TMPRSS15: variants seen among roughly 807,000 people sequenced by gnomAD.
TMPRSS15 encodes transmembrane serine protease 15, also known as enteropeptidase.
A neutral mutation model predicts 125.3 loss-of-function variants in TMPRSS15; 128 were observed. That is an observed-to-expected ratio of 1.02 (90% CI 0.89 to 1.18). The LOEUF is 1.18. TMPRSS15 is among the 50% of genes most tolerant of loss of function. The pLI, the probability that TMPRSS15 is intolerant of heterozygous loss-of-function variation, is 0.00. For synonymous variants in TMPRSS15, 446 were observed against 423.2 expected (o/e 1.05, Z -0.66); for missense variants, 1,283 against 1,212.7 (o/e 1.06, Z -0.86).
At chr21:18,317,211 T>C (rs185284056) in intron 16 of TMPRSS15, among the ~76,000 whole-genome samples, 124 of 152,268 alleles carry the variant, frequency 8.1e-4, no homozygotes, top group African/African-American at 2.6e-3. Flanking sequence ...AAAGGAATTA[T>C]TCCTGTTGTT....
At chr21:18,369,146 G>A (rs981682484) in intron 6 of TMPRSS15, among the ~76,000 whole-genome samples, 1 of 152,110 alleles carries the variant, frequency 6.6e-6, no homozygotes. Flanking sequence ...GCAGCCATTC[G>A]ATTGCACTAT....
chr21:18,325,902 T>C (rs2075284068), intron 16 of TMPRSS15, among the ~76,000 whole-genome samples: 1 of 152,106 alleles, frequency 6.6e-6, no homozygotes, highest in African/African-American at 2.4e-5. Flanking sequence ...CTGTTGATTA[T>C]TTTATGGATA....
intron 1 of TMPRSS15, among the ~76,000 whole-genome samples, chr21:18,460,221 A>G (rs1196804872): frequency 6.6e-6 from 1 of 152,146 alleles, no homozygotes; most frequent in African/African-American, 2.4e-5. Flanking sequence ...AAATATTCTC[A>G]GTGTTAATGA....
In TMPRSS15 at chr21:18,270,112, C is replaced by T; in HGVS notation, c.2917G>A (p.Gly973Arg). 1 of 1,613,860 alleles carries T rather than the reference C, an allele frequency of 6.2e-7. No individual in the cohort carries two copies. The highest frequency in any genetic ancestry group is 8.5e-7 in the Non-Finnish European group (1 of 1,179,878). ...GIDSCQGDSGGPLMCQENNRW... is the reference protein window; with the variant it reads ...GIDSCQGDSGRPLMCQENNRW... ...TTGTTTTCTTGGCACATTAATGGTCCTCCTGAATCCCCCTAAAGAGTGAAT... is the reference window on the plus strand; with the variant it reads ...TTGTTTTCTTGGCACATTAATGGTCTTCCTGAATCCCCCTAAAGAGTGAAT... Residue 973 changes from glycine (G) to arginine (R), a missense_variant, in exon 25 of 25, where the codon GGA becomes AGA. By Grantham distance (125) the Gly-to-Arg change is moderately radical (BLOSUM62 -2). Transcript: ENST00000284885.
At chr21:18,372,586 T>C (rs1369960966) in intron 5 of TMPRSS15, among the ~76,000 whole-genome samples, 1 of 152,234 alleles carries the variant, frequency 6.6e-6, no homozygotes, top group Non-Finnish European at 1.5e-5. Context: ...AAGCTTATTA[T>C]TTGAAAATAT....
In TMPRSS15 at chr21:18,345,314, C is replaced by T. The variant is rs369082374; in HGVS notation, c.1172-1254G>A. Among the ~76,000 whole-genome samples, 33 of 152,168 alleles carry T rather than the reference C, an allele frequency of 2.2e-4. No individual in the cohort carries two copies. The East Asian group carries it at 6.0e-3, about 28-fold the overall frequency. ...TTTTGTTAGTGTTCTAATTATATGA[C>T]TGCATGGAGAAGAGTGGCCTAGATA... On this transcript the variant is annotated intron_variant, in intron 10 of 24. Coordinates refer to ENST00000284885, the MANE Select transcript of TMPRSS15 (RefSeq NM_002772.3).
intron 1 of TMPRSS15, among the ~76,000 whole-genome samples, chr21:18,411,262 T>A (rs767118700): frequency 1.3e-5 from 2 of 152,122 alleles, no homozygotes; most frequent in Non-Finnish European, 2.9e-5. Context: ...AAAATATCAC[T>A]AGACATGTTG....
intron 1 of TMPRSS15, among the ~76,000 whole-genome samples, chr21:18,469,360 T>C (rs979679192): frequency 1.6e-4 from 24 of 152,280 alleles, no homozygotes; most frequent in African/African-American, 5.8e-4. Flanking sequence ...AGAATTTTCC[T>C]GAGGTTCTGT....
intron 1 of TMPRSS15, among the ~76,000 whole-genome samples, chr21:18,419,524 C>T (rs565267184): frequency 2.6e-5 from 4 of 152,156 alleles, no homozygotes; most frequent in Admixed American, 6.5e-5. Context: ...TGTACCCGGC[C>T]GACATTTCCT....
At chr21:18,274,081 G>C (rs781400406) in intron 24 of TMPRSS15, among the ~76,000 whole-genome samples, 3 of 152,154 alleles carry the variant, frequency 2.0e-5, no homozygotes, top group Non-Finnish European at 2.9e-5. Context: ...CGTTTGGTCA[G>C]TAATGCTAGC....
chr21:18,423,210 T>C (rs1359909720), intron 1 of TMPRSS15, among the ~76,000 whole-genome samples: 17 of 152,122 alleles, frequency 1.1e-4, no homozygotes, highest in Admixed American at 1.0e-3. Flanking sequence ...TAGGTCCAGA[T>C]TTTATTCACA....
chr21:18,277,061 C>T (rs768017594), intron 23 of TMPRSS15, among the ~76,000 whole-genome samples: 14 of 152,076 alleles, frequency 9.2e-5, no homozygotes, highest in African/African-American at 1.4e-4. Context: ...CCACCGCACC[C>T]GGCCAGAAAA....
rs150708774 is a variant in TMPRSS15, at chr21:18,271,179, C to A, written c.2905-1055G>T. Reference sequence around the variant, plus strand: ...CAAATGTGTGCAAGGTGTTTGAAAGCAGGGACTGTGATTTCTATTTCTGCA... The same window carrying A: ...CAAATGTGTGCAAGGTGTTTGAAAGAAGGGACTGTGATTTCTATTTCTGCA... On this transcript the variant is annotated intron_variant, in intron 24 of 24. Coordinates refer to ENST00000284885, the MANE Select transcript of TMPRSS15 (RefSeq NM_002772.3). Among the ~76,000 whole-genome samples the A allele has an allele frequency of 2.9e-3, 435 of 152,266 alleles. 4 individuals are homozygous for A. Among genetic ancestry groups the A allele is most frequent in the African/African-American group, 9.8e-3 (407 of 41,552 alleles).
intron 8 of TMPRSS15, among the ~76,000 whole-genome samples, chr21:18,356,039 T>G (rs1360956004): frequency 6.6e-6 from 1 of 151,916 alleles, no homozygotes; most frequent in African/African-American, 2.4e-5. Context: ...TGATAAATTT[T>G]TAGACATTCC....
intron 16 of TMPRSS15, among the ~76,000 whole-genome samples, chr21:18,320,795 T>TA (rs2075225361): frequency 6.6e-6 from 1 of 152,224 alleles, no homozygotes; most frequent in African/African-American, 2.4e-5. Flanking sequence ...TTTTGCAACA[T>TA]ACAATAGTTC....
chr21:18,310,738 A>G (rs1478698660), intron 18 of TMPRSS15, among the ~76,000 whole-genome samples: 3 of 152,098 alleles, frequency 2.0e-5, no homozygotes, highest in Admixed American at 6.6e-5. Context: ...GGAACCACAA[A>G]ACACACCAAA....
At chr21:18,344,084 T>G (rs1569021778) in intron 10 of TMPRSS15, 24 bp from the exon 11 acceptor site, 1 of 1,578,208 alleles carries the variant, frequency 6.3e-7, no homozygotes. Context: ...AAAAAAAATT[T>G]ATTTCACTTA....
intron 18 of TMPRSS15, among the ~76,000 whole-genome samples, chr21:18,304,526 G>T (rs966497179): frequency 1.3e-5 from 2 of 152,124 alleles, no homozygotes; most frequent in African/African-American, 4.8e-5. Context: ...AGTTGGCAAA[G>T]AAATAATTAC....
intron 19 of TMPRSS15, among the ~76,000 whole-genome samples, chr21:18,297,407 A>G (rs1290876764): frequency 6.6e-6 from 1 of 152,094 alleles, no homozygotes; most frequent in Non-Finnish European, 1.5e-5. Context: ...AGTTCTCACA[A>G]TTTCTTTCCA....
Sources: gnomAD v4.1 joint callset for allele counts (sites outside exome capture counted in the v4.1 genomes callset) on GRCh38, gnomAD v4.1.1 for gene constraint, MANE v1.5 for transcripts, NCBI Gene and HGNC (gene_info 2026-07-23, HGNC 2026-07-21) for gene names.